The following LYST variants were observed in gnomAD, a reference collection of about 807,000 sequenced individuals.
LYST encodes lysosomal trafficking regulator, also known as lysosomal-trafficking regulator.
LYST carries 192 observed loss-of-function variants against 413.6 expected under a neutral mutation model. That is an observed-to-expected ratio of 0.46 (90% CI 0.41 to 0.52). The LOEUF (loss-of-function observed/expected upper bound fraction) is 0.52. Ranked by LOEUF, LYST falls within the 20% of genes least tolerant of loss-of-function variation. The pLI, the probability that LYST is intolerant of heterozygous loss-of-function variation, is 0.00. For missense variants in LYST, 3,815 were observed against 4,499.9 expected (o/e 0.85, Z 4.35); for synonymous variants, 1,525 against 1,567.3 (o/e 0.97, Z 0.64).
intron 48 of LYST, among the ~76,000 whole-genome samples, chr1:235,678,336 T>G (rs1659547651): frequency 1.3e-5 from 2 of 152,124 alleles, no homozygotes; most frequent in South Asian, 2.1e-4. Context: ...ATTAATAATT[T>G]TATAGTTCTT....
chr1:235,881,971 C>T (rs1320048332), intron 1 of LYST, among the ~76,000 whole-genome samples: 2 of 151,890 alleles, frequency 1.3e-5, no homozygotes, highest in Non-Finnish European at 2.9e-5. Flanking sequence ...TGTGAATGTA[C>T]AGTTAATGCC....
chr1:235,758,916 G>A (rs1253962587), intron 23 of LYST, 56 bp downstream of exon 23: 2 of 1,547,044 alleles, frequency 1.3e-6, no homozygotes, highest in African/African-American at 1.4e-5. Flanking sequence ...GGGGTAGAGA[G>A]TCTTTAAAGA....
At chr1:235,880,164 T>C (rs1372436461) in intron 1 of LYST, among the ~76,000 whole-genome samples, 4 of 152,246 alleles carry the variant, frequency 2.6e-5, no homozygotes, top group African/African-American at 9.6e-5. Context: ...TTAGGTCATC[T>C]GAATTCTATA....
chr1:235,763,339 C>G lies in LYST; in HGVS notation c.6122-488G>C, dbSNP rs545474480. On this transcript the variant is annotated intron_variant, in intron 21 of 52. Transcript: ENST00000389793. ...ATCTAAATCCGAATCATCTTTTTGC[C>G]CTAAATTTACTCCTTCTGTTTTGTT... Among the ~76,000 whole-genome samples, 5 of 152,192 alleles carry G rather than the reference C, an allele frequency of 3.3e-5. No homozygotes were observed. In the South Asian group the frequency reaches 8.3e-4, roughly 25 times the overall value.
At position 235,720,653 on chromosome 1, in the gene LYST, T is replaced by C; in HGVS notation, c.9560+8A>G. 1.9e-6 allele frequency: 3 copies of C among 1,613,360 alleles called. No homozygotes were observed. Among genetic ancestry groups the C allele is most frequent in the Non-Finnish European group, 2.5e-6 (3 of 1,179,378 alleles). On this transcript the variant is annotated splice_region_variant and intron_variant, in intron 40 of 52. Transcript: ENST00000389793. ...TGAACCCTAAAGGTGATGATTCTTT[T>C]AACTTACCTGTATATCAACAGATCA... is the stretch of plus-strand genomic sequence containing the variant.
rs574758202 is a variant in LYST at position 235,853,344 on chromosome 1, G to A, written c.-98+13499C>T. 2.0e-5 allele frequency among the ~76,000 whole-genome samples: 3 copies of A among 152,242 alleles called. No homozygotes were observed. In the East Asian group the frequency reaches 5.8e-4, roughly 29 times the overall value. On this transcript the variant is annotated intron_variant, in intron 1 of 52. Transcript: ENST00000389793. ...TAGATGTTCTATATTTAAAATGTGG[G>A]AATATAATAATCCTTAACTAGTGAA...
intron 28 of LYST, chr1:235,747,158 C>T (rs1439816546): frequency 2.5e-6 from 1 of 406,292 alleles, no homozygotes; most frequent in East Asian, 7.3e-5. Context: ...CATTCCTGCA[C>T]CATTACTGCA....
At chr1:235,789,456 C>A (rs1670773721) in intron 12 of LYST, among the ~76,000 whole-genome samples, 1 of 152,188 alleles carries the variant, frequency 6.6e-6, no homozygotes, top group African/African-American at 2.4e-5. Context: ...CTTGACTCCT[C>A]TTCCTCATCT....
rs1658020451 is a variant in LYST at position 235,661,159 on chromosome 1, T to C, written c.*1781A>G. 1 of 152,592 alleles carries C rather than the reference T, an allele frequency of 6.6e-6. No homozygotes were observed. The highest frequency in any genetic ancestry group is 2.1e-4 in the South Asian group (1 of 4,834). 9.5% of individuals were successfully genotyped at this position (152,592 alleles called of 1,614,324 possible). On this transcript the variant is annotated 3_prime_UTR_variant, in exon 53 of 53. Coordinates refer to ENST00000389793, the MANE Select transcript of LYST (RefSeq NM_000081.4). Reference sequence around the variant, plus strand: ...CACATTATGAAGTATTTCAAACATATACATATTAGGTTTCATGCTGAATAA... The same window carrying C: ...CACATTATGAAGTATTTCAAACATACACATATTAGGTTTCATGCTGAATAA...
Position 235,809,362 on chromosome 1 carries a change from C to A in LYST, c.1456G>T (p.Val486Leu), listed in dbSNP as rs1179464352. Residue 486 changes from valine to leucine, a missense_variant, in exon 5 of 53, where the codon GTG (valine) becomes TTG (leucine). By Grantham distance (32) the Val-to-Leu change is conservative (BLOSUM62 1). Around this residue, in one of 4 missense-constraint regions of LYST, gnomAD observed 1,648 missense variants for 1,810.3 expected, o/e 0.91. Transcript: ENST00000389793. The surrounding 1 kb of genome is among the most constrained non-coding windows in gnomAD (Gnocchi z 4.0). The part of the protein sequence containing the change: ...VMKIMSTVKK[V>L]KSEQLHHSMC... Reference sequence around the variant, plus strand: ...GAATGATGAAGTTGCTCTGATTTCACTTTTTTGACAGTGCTCATTATTTTC... The same window carrying A: ...GAATGATGAAGTTGCTCTGATTTCAATTTTTTGACAGTGCTCATTATTTTC... 3.7e-6 allele frequency: 6 copies of A among 1,613,848 alleles called. No individual in the cohort carries two copies. Among genetic ancestry groups the A allele is most frequent in the East Asian group, 2.2e-5 (1 of 44,882 alleles).
In LYST at chr1:235,854,764, C is replaced by T. The variant is rs1169359551; in HGVS notation, c.-98+12079G>A. On this transcript the variant is annotated intron_variant, in intron 1 of 52. Coordinates refer to ENST00000389793, the MANE Select transcript of LYST (RefSeq NM_000081.4). The surrounding 1 kb of genome is among the most constrained non-coding windows in gnomAD (Gnocchi z 4.1). The stretch of plus-strand genomic sequence containing the variant: ...TCATCACCTTGAATCTGGTCCTTCC[C>T]CCTAATCTTACACCTAAGCATCCTT... 2.0e-5 allele frequency among the ~76,000 whole-genome samples: 3 copies of T among 152,078 alleles called. No homozygotes were observed. Among genetic ancestry groups the T allele is most frequent in the Non-Finnish European group, 4.4e-5 (3 of 68,020 alleles).
Position 235,806,191 on chromosome 1 carries a change from T to C in LYST, c.2945A>G (p.Tyr982Cys), listed in dbSNP as rs752179440. Residue 982 changes from tyrosine (Y) to cysteine (C), a missense_variant, in exon 6 of 53, where the codon TAT (tyrosine) becomes TGT (cysteine). Transcript: ENST00000389793. Reference sequence around the variant, plus strand: ...GCATACTCGGAAACCACCAAGCCTATAAAACTGTTTCTGGAACACTGAACT... The same window carrying C: ...GCATACTCGGAAACCACCAAGCCTACAAAACTGTTTCTGGAACACTGAACT... ...MLSSVFQKQFYRLGGFRVCHK... is the reference protein window; with the variant it reads ...MLSSVFQKQFCRLGGFRVCHK... 28 of 1,613,916 alleles carry C rather than the reference T, an allele frequency of 1.7e-5. No homozygotes were observed. Among genetic ancestry groups the C allele is most frequent in the Non-Finnish European group, 2.3e-5 (27 of 1,179,980 alleles).
rs756830243 is a variant in LYST at position 235,664,064 on chromosome 1, G to GA, written c.11196-10dup. 8 of 1,600,240 alleles carry GA rather than the reference G, an allele frequency of 5.0e-6. No homozygotes were observed. Among genetic ancestry groups the GA allele is most frequent in the African/African-American group, 1.3e-5 (1 of 74,608 alleles). ...CCCATGTGCTCCATAACCTAGAGGGGAAAAAAATCATCTAATTATGCAAAC... is the reference window on the plus strand; with the variant it reads ...CCCATGTGCTCCATAACCTAGAGGGGAAAAAAAATCATCTAATTATGCAAAC... On this transcript the variant is annotated splice_polypyrimidine_tract_variant and intron_variant, in intron 51 of 52. Coordinates refer to ENST00000389793, the MANE Select transcript of LYST (RefSeq NM_000081.4). The surrounding 1 kb of genome is among the most constrained non-coding windows in gnomAD (Gnocchi z 4.5).
At chr1:235,765,342 C>T (rs79974781) in intron 21 of LYST, among the ~76,000 whole-genome samples, 1,957 of 152,282 alleles carry the variant, frequency 0.013, 44 homozygotes, top group African/African-American at 0.044. Flanking sequence ...CTGTCTCTCA[C>T]GGACTACTAT....
intron 11 of LYST, among the ~76,000 whole-genome samples, chr1:235,792,416 G>A (rs952410187): frequency 4.6e-5 from 7 of 151,716 alleles, no homozygotes; most frequent in African/African-American, 1.5e-4. Flanking sequence ...CCAGGTTCAG[G>A]CGATTCTCCT....
In LYST at chr1:235,762,603, CTT is replaced by C. The variant is rs1294535090; in HGVS notation, c.6253+115_6253+116del. ...TCTTGAGGACCTGTGCTGGGTGTCT[CTT>C]GTTAGATTGAATGAGGTTGTACTAC... On this transcript the variant is annotated intron_variant, in intron 22 of 52. Transcript: ENST00000389793. 1.6e-5 allele frequency: 17 copies of C among 1,036,290 alleles called. No homozygotes were observed. In the East Asian group the frequency reaches 2.1e-4, roughly 13 times the overall value. The allele number at this position is 1,036,290 out of a possible 1,614,324, so 64.2% of individuals were successfully genotyped here.
intron 9 of LYST, 132 bp from the exon 10 acceptor site, chr1:235,800,518 GACT>G (rs953844877): frequency 2.5e-5 from 16 of 633,294 alleles, no homozygotes; most frequent in Non-Finnish European, 3.9e-5. Context: ...TGACTAAAAA[GACT>G]ACTATGTGTA....
At chr1:235,861,038 C>T (rs1679803699) in intron 1 of LYST, among the ~76,000 whole-genome samples, 1 of 151,348 alleles carries the variant, frequency 6.6e-6, no homozygotes, top group Non-Finnish European at 1.5e-5. Flanking sequence ...AAAGTTCATT[C>T]CTTGTTATTG....
intron 31 of LYST, chr1:235,738,753 A>G (rs952466534): frequency 7.6e-7 from 1 of 1,323,240 alleles, no homozygotes; most frequent in Non-Finnish European, 1.1e-6. Flanking sequence ...ATCCTGGGCC[A>G]TTGGACTCTC....
Sources: allele counts gnomAD v4.1 joint callset (sites outside exome capture counted in the v4.1 genomes callset), GRCh38; gene constraint gnomAD v4.1.1; regional missense constraint gnomAD v4.1.1; non-coding constraint Gnocchi (gnomAD v3.1); transcripts MANE v1.5; gene names NCBI Gene and HGNC (gene_info 2026-07-23, HGNC 2026-07-21).